The following POU6F2 variants were observed in gnomAD, a reference collection of about 807,000 sequenced individuals.
The protein encoded by POU6F2 is POU domain, class 6, transcription factor 2.
A neutral mutation model predicts 71.3 loss-of-function variants in POU6F2; 31 were observed. The observed-to-expected ratio is 0.43, with a 90% CI of 0.33 to 0.59. The LOEUF (loss-of-function observed/expected upper bound fraction) is 0.59. POU6F2 is among the 20% of genes least tolerant of loss of function. POU6F2 has a pLI of 0.04. For synonymous variants in POU6F2, 347 were observed against 355.7 expected (o/e 0.98, Z 0.27); for missense variants, 783 against 856.8 (o/e 0.91, Z 1.07).
chr7:39,206,438 T>C (rs1562746403), intron 3 of POU6F2, among the ~76,000 whole-genome samples: 2 of 152,256 alleles, frequency 1.3e-5, no homozygotes, highest in Admixed American at 1.3e-4. Context: ...GGGCAAATGA[T>C]GTTAGAGTAA....
chr7:39,130,129 A>T (rs1792235606), intron 2 of POU6F2, among the ~76,000 whole-genome samples: 2 of 133,562 alleles, frequency 1.5e-5, no homozygotes, highest in South Asian at 5.1e-4. Flanking sequence ...CATTTTTTTT[A>T]AAGTAAAGAA....
At chr7:39,310,611 A>G (rs764099411) in intron 4 of POU6F2, among the ~76,000 whole-genome samples, 3 of 152,252 alleles carry the variant, frequency 2.0e-5, no homozygotes. Context: ...ATCAGTGTGT[A>G]CTTTGTGATG....
intron 5 of POU6F2, among the ~76,000 whole-genome samples, chr7:39,376,910 T>A (rs1786721076): frequency 6.7e-6 from 1 of 148,684 alleles, no homozygotes; most frequent in African/African-American, 2.4e-5. Flanking sequence ...ATTTTTATAC[T>A]TATATATTTA....
At chr7:39,241,020 C>T (rs367558603) in intron 4 of POU6F2, among the ~76,000 whole-genome samples, 156 of 152,246 alleles carry the variant, frequency 1.0e-3, no homozygotes, top group African/African-American at 3.5e-3. Context: ...TTGCAGCTGA[C>T]TCACCTTGTG....
At chr7:39,076,812 C>CA (rs1414497247) in intron 1 of POU6F2, among the ~76,000 whole-genome samples, 1 of 152,104 alleles carries the variant, frequency 6.6e-6, no homozygotes, top group African/African-American at 2.4e-5. Context: ...GACTAGAGAA[C>CA]AGGTCTTTCC....
chr7:38,983,723 T>C (rs1021256169), intron 1 of POU6F2, among the ~76,000 whole-genome samples: 6 of 152,162 alleles, frequency 3.9e-5, no homozygotes, highest in African/African-American at 9.7e-5. Flanking sequence ...TTCCTGGTTT[T>C]CTGTATGCTT....
At chr7:39,284,542 C>G (rs1187598713) in intron 4 of POU6F2, among the ~76,000 whole-genome samples, 1 of 152,218 alleles carries the variant, frequency 6.6e-6, no homozygotes, top group African/African-American at 2.4e-5. Context: ...CATAAATATA[C>G]TGACATACTT....
chr7:39,085,958 CAGCG>C lies in POU6F2; in HGVS notation c.208_211del (p.Glu70Ter). Reference sequence around the variant, plus strand: ...GTGAGGACAAGGCTGCTACTTCAGACAGCGAGCTGAATGAGCCCCTGCTTGCGCC... The same window carrying C: ...GTGAGGACAAGGCTGCTACTTCAGACAGCTGAATGAGCCCCTGCTTGCGCC... On this transcript the variant is annotated frameshift_variant, in exon 2 of 10. Transcript: ENST00000518318. LOFTEE classifies it high-confidence loss of function. 6.2e-7 allele frequency: 1 copy of C among 1,613,736 alleles called. No individual in the cohort carries two copies. Among genetic ancestry groups the C allele is most frequent in the Admixed American group, 1.7e-5 (1 of 59,978 alleles).
rs547080505 is a variant in POU6F2, at chr7:39,222,111, G to A, written c.598+14491G>A. Among the ~76,000 whole-genome samples, 17 of 152,244 alleles carry A rather than the reference G, an allele frequency of 1.1e-4. No homozygotes were observed. In the South Asian group the frequency reaches 1.5e-3, roughly 13 times the overall value. ...TTGGTTTGTTTAAAAAGAACCATAG[G>A]CAATGCTGTCACTAAAGAATGTTTC... On this transcript the variant is annotated intron_variant, in intron 4 of 9. Coordinates refer to ENST00000518318, the MANE Select transcript of POU6F2 (RefSeq NM_001370959.1).
chr7:38,998,838 T>TTTTTTTTTTG (rs869182741), intron 1 of POU6F2, among the ~76,000 whole-genome samples: 4 of 141,330 alleles, frequency 2.8e-5, no homozygotes, highest in Non-Finnish European at 4.6e-5. Context: ...TTTTTTTTTT[T>TTTTTTTTTTG]TATTTTCAGT....
chr7:39,411,335 A>C lies in POU6F2; in HGVS notation c.1113+4595A>C, dbSNP rs1020157933. ...AATTGGCTTCCCTGGTGCCCCTGGC[A>C]ATATCTCCTTATTGGCGTTATTGCA... On this transcript the variant is annotated intron_variant, in intron 6 of 9. Transcript: ENST00000518318. Among the ~76,000 whole-genome samples, 20 of 152,250 alleles carry C rather than the reference A, an allele frequency of 1.3e-4. No individual in the cohort carries two copies. In the Middle Eastern group the frequency reaches 9.5e-3, roughly 72 times the overall value.
At chr7:39,158,698 T>G (rs1217438233) in intron 2 of POU6F2, among the ~76,000 whole-genome samples, 1 of 152,190 alleles carries the variant, frequency 6.6e-6, no homozygotes, top group East Asian at 1.9e-4. Context: ...CTTTTTGTTC[T>G]ATTCAGGCCC....
At chr7:39,087,937 G>A (rs558986280) in intron 2 of POU6F2, among the ~76,000 whole-genome samples, 14 of 152,170 alleles carry the variant, frequency 9.2e-5, no homozygotes, top group Non-Finnish European at 1.3e-4. Flanking sequence ...TTCCAAGAGG[G>A]TCAAAGAGAT....
intron 5 of POU6F2, among the ~76,000 whole-genome samples, chr7:39,384,345 T>C (rs1786891334): frequency 6.6e-6 from 1 of 152,148 alleles, no homozygotes; most frequent in African/African-American, 2.4e-5. Flanking sequence ...CGTTAAAAAC[T>C]ATATAAAGTT....
intron 1 of POU6F2, among the ~76,000 whole-genome samples, chr7:39,031,031 GC>G (rs1789930191): frequency 6.6e-6 from 1 of 152,018 alleles, no homozygotes; most frequent in Admixed American, 6.6e-5. Flanking sequence ...CTCATGAGTA[GC>G]TGGGATTACA....
intron 5 of POU6F2, among the ~76,000 whole-genome samples, chr7:39,378,028 T>G (rs1304425510): frequency 6.6e-6 from 1 of 152,114 alleles, no homozygotes; most frequent in Non-Finnish European, 1.5e-5. Flanking sequence ...TCTGCATCCC[T>G]CAGAATATTT....
At chr7:39,385,097 AC>A in intron 5 of POU6F2, among the ~76,000 whole-genome samples, 1 of 152,214 alleles carries the variant, frequency 6.6e-6, no homozygotes, top group Non-Finnish European at 1.5e-5. Context: ...TAATACAAAC[AC>A]CAAAATCCAT....
At chr7:39,333,240 C>T (rs1240061659) in intron 4 of POU6F2, among the ~76,000 whole-genome samples, 3 of 152,172 alleles carry the variant, frequency 2.0e-5, no homozygotes, top group African/African-American at 7.2e-5. Context: ...AATATTAGGT[C>T]TCAGACTTAA....
intron 5 of POU6F2, among the ~76,000 whole-genome samples, chr7:39,391,183 T>C (rs1215822674): frequency 6.6e-6 from 1 of 152,226 alleles, no homozygotes. Context: ...ATGGCTTTTT[T>C]TCTTGAAACC....
Sources: gnomAD v4.1 joint callset for allele counts (sites outside exome capture counted in the v4.1 genomes callset) on GRCh38, gnomAD v4.1.1 for gene constraint, MANE v1.5 for transcripts, NCBI Gene and HGNC (gene_info 2026-07-23, HGNC 2026-07-21) for gene names.